Variants in MAGI2 observed in about 807,000 individuals in gnomAD.
The protein encoded by MAGI2 is membrane associated guanylate kinase, WW and PDZ domain containing 2.
Under a neutral mutation model 133.3 loss-of-function variants are expected in MAGI2, and 35 were observed. That is an observed-to-expected ratio of 0.26 (90% CI 0.20 to 0.35). The LOEUF (loss-of-function observed/expected upper bound fraction) is 0.35, where lower values mean the gene tolerates loss of function less well. Among genes scored for constraint, MAGI2 ranks in the 10% least tolerant of loss-of-function variants. The probability of loss-of-function intolerance (pLI) is 1.00; values close to 1 mark genes in which losing one functional copy is unlikely to be tolerated. For missense variants in MAGI2, 1,636 were observed against 1,863.4 expected (o/e 0.88, Z 2.25); for synonymous variants, 729 against 710.6 (o/e 1.03, Z -0.41).
intron 2 of MAGI2, among the ~76,000 whole-genome samples, chr7:78,941,728 T>TCACACACA (rs3068585): frequency 0.023 from 2,835 of 123,232 alleles, 66 homozygotes; most frequent in African/African-American, 0.063. Context: ...GCCTATTTCA[T>TCACACACA]CACACACACA....
In MAGI2 at chr7:79,072,771, G is replaced by A. The variant is rs935839372; in HGVS notation, c.302-65565C>T. Among the ~76,000 whole-genome samples the A allele has an allele frequency of 6.6e-5, 10 of 152,192 alleles. 1 individual carries two copies. Among genetic ancestry groups the A allele is most frequent in the Non-Finnish European group, 1.5e-4 (10 of 68,030 alleles). On this transcript the variant is annotated intron_variant, in intron 1 of 21. Coordinates refer to ENST00000354212, the MANE Select transcript of MAGI2 (RefSeq NM_012301.4). ...TATTCGGCATAGCAGCAAAGTTTTT[G>A]CATGACATGTAGAACACATTTAATC... is the stretch of plus-strand genomic sequence containing the variant.
intron 3 of MAGI2, among the ~76,000 whole-genome samples, chr7:78,553,223 T>A (rs1031992559): frequency 6.6e-6 from 1 of 152,178 alleles, no homozygotes; most frequent in East Asian, 1.9e-4. Context: ...AGTCTTACAA[T>A]TGTAATATAC....
chr7:79,344,118 G>A (rs747704066), intron 1 of MAGI2, among the ~76,000 whole-genome samples: 12 of 151,864 alleles, frequency 7.9e-5, no homozygotes, highest in South Asian at 2.1e-4. Flanking sequence ...CTATATGTGC[G>A]ATAATGTCAA....
intron 1 of MAGI2, among the ~76,000 whole-genome samples, chr7:79,171,198 C>T (rs566830863): frequency 2.6e-5 from 4 of 152,174 alleles, no homozygotes; most frequent in Non-Finnish European, 5.9e-5. Context: ...GGATTATCCT[C>T]TTCTGAAGGC....
chr7:78,829,115 A>C (rs1195152992), intron 2 of MAGI2, among the ~76,000 whole-genome samples: 1 of 152,134 alleles, frequency 6.6e-6, no homozygotes, highest in Non-Finnish European at 1.5e-5. Context: ...GATGTTTTTG[A>C]TAGCAATTAA....
chr7:78,211,204 C>T (rs547390372), intron 10 of MAGI2, among the ~76,000 whole-genome samples: 1 of 152,202 alleles, frequency 6.6e-6, no homozygotes, highest in South Asian at 2.1e-4. Context: ...TATCAAGAGG[C>T]TGGAGCAGAT....
At chr7:78,649,671 T>A (rs1245637700) in intron 2 of MAGI2, among the ~76,000 whole-genome samples, 23 of 152,108 alleles carry the variant, frequency 1.5e-4, no homozygotes. Context: ...TACTCAGCTG[T>A]CAAATTATCC....
At chr7:78,275,151 C>T (rs1460994040) in intron 9 of MAGI2, among the ~76,000 whole-genome samples, 1 of 152,174 alleles carries the variant, frequency 6.6e-6, no homozygotes, top group East Asian at 1.9e-4. Flanking sequence ...GACTGGAGTG[C>T]ATTGTTCCTC....
chr7:79,323,744 A>G (rs1461135238), intron 1 of MAGI2, among the ~76,000 whole-genome samples: 1 of 152,214 alleles, frequency 6.6e-6, no homozygotes, highest in Non-Finnish European at 1.5e-5. Flanking sequence ...AGGAAACTCA[A>G]AAGCCAATTG....
chr7:79,233,321 A>C, intron 1 of MAGI2, among the ~76,000 whole-genome samples: 2 of 100,460 alleles, frequency 2.0e-5, no homozygotes. Context: ...TGCTTGGTGC[A>C]GAGCTGAGTT....
At chr7:78,273,285 G>C (rs537070327) in intron 9 of MAGI2, among the ~76,000 whole-genome samples, 15 of 152,300 alleles carry the variant, frequency 9.8e-5, no homozygotes, top group African/African-American at 3.6e-4. Context: ...CTGGCTTGTA[G>C]GGTTTCTGCA....
chr7:78,662,453 C>A (rs1346761275), intron 2 of MAGI2, among the ~76,000 whole-genome samples: 1 of 152,186 alleles, frequency 6.6e-6, no homozygotes, highest in Non-Finnish European at 1.5e-5. Context: ...TCTATCTTAG[C>A]AACACTTTGC....
At chr7:79,430,933 A>G (rs1847735668) in intron 1 of MAGI2, among the ~76,000 whole-genome samples, 1 of 152,242 alleles carries the variant, frequency 6.6e-6, no homozygotes, top group Admixed American at 6.5e-5. Context: ...AACTTCAAGT[A>G]TTAAAAGATG....
At chr7:79,208,768 T>C (rs113646811) in intron 1 of MAGI2, among the ~76,000 whole-genome samples, 4 of 152,080 alleles carry the variant, frequency 2.6e-5, no homozygotes, top group African/African-American at 9.7e-5. Context: ...AGACAAGATA[T>C]GGAATTAACC....
intron 21 of MAGI2, among the ~76,000 whole-genome samples, chr7:78,046,416 A>C (rs1415453020): frequency 6.6e-6 from 1 of 151,890 alleles, no homozygotes; most frequent in African/African-American, 2.4e-5. Context: ...AAAAACAAAA[A>C]AAAAACAAAG....
intron 2 of MAGI2, among the ~76,000 whole-genome samples, chr7:78,716,001 G>T (rs1205925439): frequency 6.6e-6 from 1 of 152,136 alleles, no homozygotes; most frequent in Non-Finnish European, 1.5e-5. Context: ...AAACCAAATT[G>T]CCCTTCACGT....
intron 2 of MAGI2, among the ~76,000 whole-genome samples, chr7:78,854,238 T>C (rs1238864694): frequency 1.3e-5 from 2 of 152,136 alleles, no homozygotes; most frequent in African/African-American, 2.4e-5. Flanking sequence ...TTAGATTATA[T>C]ATTTAATGTA....
At chr7:78,998,447 C>G (rs992395873) in intron 2 of MAGI2, among the ~76,000 whole-genome samples, 2 of 152,094 alleles carry the variant, frequency 1.3e-5, no homozygotes, top group African/African-American at 2.4e-5. Context: ...AGTTTAATAC[C>G]TTTGCCAAGG....
intron 7 of MAGI2, chr7:78,347,155 C>T (rs942301354): frequency 4.6e-5 from 7 of 152,306 alleles, no homozygotes; most frequent in Admixed American, 4.6e-4. Context: ...TTTGGATATA[C>T]AATTTCACAT....
Sources: gnomAD v4.1 joint callset for allele counts (sites outside exome capture counted in the v4.1 genomes callset) on GRCh38, gnomAD v4.1.1 for gene constraint, MANE v1.5 for transcripts, NCBI Gene and HGNC (gene_info 2026-07-23, HGNC 2026-07-21) for gene names.